Variants in KCNMA1 observed in about 807,000 individuals in gnomAD.
KCNMA1 encodes potassium calcium-activated channel subfamily M alpha 1.
Under a neutral mutation model 140.0 loss-of-function variants are expected in KCNMA1, and 29 were observed. The observed-to-expected ratio is 0.21, with a 90% CI of 0.15 to 0.28. KCNMA1 has a LOEUF of 0.28. KCNMA1 is among the 10% of genes least tolerant of loss of function. KCNMA1 has a pLI of 1.00. For synonymous variants in KCNMA1, 612 were observed against 611.9 expected, an observed-to-expected ratio of 1.00 and a Z score of 0.00; for missense variants, 880 against 1,602.2, an observed-to-expected ratio of 0.55 and a Z score of 7.70.
intron 1 of KCNMA1, among the ~76,000 whole-genome samples, chr10:77,613,126 C>T (rs1196546945): frequency 6.6e-6 from 1 of 152,204 alleles, no homozygotes; most frequent in African/African-American, 2.4e-5. Context: ...CTATGAGTCT[C>T]AGCTCCTGAA....
At chr10:77,033,539 A>G (rs2094102932) in intron 15 of KCNMA1, among the ~76,000 whole-genome samples, 1 of 152,126 alleles carries the variant, frequency 6.6e-6, no homozygotes, top group African/African-American at 2.4e-5. Context: ...GATACAGACA[A>G]TTAACTTTTG....
intron 1 of KCNMA1, among the ~76,000 whole-genome samples, chr10:77,455,833 C>A (rs2097754953): frequency 6.6e-6 from 1 of 152,220 alleles, no homozygotes; most frequent in Non-Finnish European, 1.5e-5. Context: ...CTGGCCAGCC[C>A]ATTCATTTAA....
intron 2 of KCNMA1, among the ~76,000 whole-genome samples, chr10:77,368,872 T>C (rs768997663): frequency 5.3e-5 from 8 of 152,266 alleles, no homozygotes; most frequent in Non-Finnish European, 7.3e-5. Context: ...TTTTGGACTC[T>C]AGTCTACTCC....
chr10:77,453,062 C>A (rs1031024728), intron 1 of KCNMA1, among the ~76,000 whole-genome samples: 1 of 152,136 alleles, frequency 6.6e-6, no homozygotes, highest in Non-Finnish European at 1.5e-5. Flanking sequence ...AGTTAACACT[C>A]ATTATCATGC....
chr10:77,085,041 C>T (rs1364116578), intron 11 of KCNMA1, among the ~76,000 whole-genome samples: 1 of 152,206 alleles, frequency 6.6e-6, no homozygotes, highest in East Asian at 1.9e-4. Context: ...CTCCTCCCCA[C>T]CTCCTTTCTC....
downstream of KCNMA1, among the ~76,000 whole-genome samples, chr10:76,879,982 T>C (rs529222290): frequency 2.0e-4 from 30 of 152,310 alleles, 1 homozygote; most frequent in South Asian, 5.6e-3. Flanking sequence ...TTGCCTGAGC[T>C]GCCCTCGGTT....
At chr10:77,391,073 A>G (rs2095802864) in intron 2 of KCNMA1, among the ~76,000 whole-genome samples, 1 of 152,190 alleles carries the variant, frequency 6.6e-6, no homozygotes, top group Non-Finnish European at 1.5e-5. Context: ...AAAGTCTGGG[A>G]ACAGTTCTAG....
At chr10:77,040,226 C>T (rs1334782357) in intron 14 of KCNMA1, among the ~76,000 whole-genome samples, 1 of 152,012 alleles carries the variant, frequency 6.6e-6, no homozygotes, top group African/African-American at 2.4e-5. Flanking sequence ...GGCACTCACC[C>T]ACATTAGTGG....
At chr10:77,204,170 A>G (rs933651683) in intron 3 of KCNMA1, among the ~76,000 whole-genome samples, 12 of 152,208 alleles carry the variant, frequency 7.9e-5, no homozygotes, top group African/African-American at 2.9e-4. Context: ...CAATATTACT[A>G]CAATCCCTAG....
At chr10:76,994,567 C>G (rs1311025011) in intron 19 of KCNMA1, among the ~76,000 whole-genome samples, 1 of 152,180 alleles carries the variant, frequency 6.6e-6, no homozygotes, top group African/African-American at 2.4e-5. Context: ...ACCCCATGCT[C>G]AGATAAGACT....
intron 3 of KCNMA1, among the ~76,000 whole-genome samples, chr10:77,244,133 G>A (rs1000590360): frequency 6.6e-6 from 1 of 152,170 alleles, no homozygotes; most frequent in East Asian, 1.9e-4. Flanking sequence ...GAACCCAGGA[G>A]ATCAAGTAGA....
At chr10:77,428,223 T>C (rs2097068883) in intron 1 of KCNMA1, among the ~76,000 whole-genome samples, 1 of 152,180 alleles carries the variant, frequency 6.6e-6, no homozygotes, top group East Asian at 1.9e-4. Context: ...ATGTGGCTTC[T>C]CCAAGGTTCC....
At chr10:77,164,626 G>A (rs769206309) in intron 5 of KCNMA1, among the ~76,000 whole-genome samples, 4 of 151,462 alleles carry the variant, frequency 2.6e-5, no homozygotes, top group Non-Finnish European at 4.4e-5. Flanking sequence ...ATTTCTCTTC[G>A]CTATCTAGAC....
intron 21 of KCNMA1, among the ~76,000 whole-genome samples, chr10:76,952,399 A>C: frequency 6.6e-6 from 1 of 152,112 alleles, no homozygotes; most frequent in East Asian, 1.9e-4. Context: ...GCGAACCTAT[A>C]GTCCCAGCTA....
chr10:77,536,167 C>G (rs940077603), intron 1 of KCNMA1, among the ~76,000 whole-genome samples: 1 of 152,216 alleles, frequency 6.6e-6, no homozygotes, highest in African/African-American at 2.4e-5. Flanking sequence ...ATACATAAAA[C>G]TATTATGTAT....
chr10:77,050,722 T>C (rs957695893), intron 14 of KCNMA1, among the ~76,000 whole-genome samples: 10 of 152,196 alleles, frequency 6.6e-5, no homozygotes, highest in Non-Finnish European at 1.5e-5. Context: ...AAGGAGCTGT[T>C]CCCAAAGACG....
chr10:77,080,578 A>T (rs1394849585), intron 12 of KCNMA1, among the ~76,000 whole-genome samples: 1 of 152,200 alleles, frequency 6.6e-6, no homozygotes, highest in East Asian at 1.9e-4. Flanking sequence ...CAAAACAGCC[A>T]CAGTCTGTGT....
At chr10:77,537,374 C>T (rs2059140934) in intron 1 of KCNMA1, among the ~76,000 whole-genome samples, 1 of 152,202 alleles carries the variant, frequency 6.6e-6, no homozygotes. Context: ...ATTGAGCCTA[C>T]AGTGCCCACA....
At chr10:77,112,488 G>T in intron 6 of KCNMA1, 46 bp from the exon 7 acceptor site, 1 of 1,478,928 alleles carries the variant, frequency 6.8e-7, no homozygotes, top group Non-Finnish European at 9.5e-7. Context: ...CCAAGGGAAG[G>T]CCCTGCTGGG....
Sources: gnomAD v4.1 joint callset for allele counts (sites outside exome capture counted in the v4.1 genomes callset) on GRCh38, gnomAD v4.1.1 for gene constraint, MANE v1.5 for transcripts, NCBI Gene and HGNC (gene_info 2026-07-23, HGNC 2026-07-21) for gene names.